Variants in PTPRD observed in about 807,000 individuals in gnomAD.
The protein encoded by PTPRD is protein tyrosine phosphatase receptor type D.
Under a neutral mutation model 214.5 loss-of-function variants are expected in PTPRD, and 34 were observed. That is an observed-to-expected ratio of 0.16 (90% CI 0.12 to 0.21). The LOEUF is 0.21. Among genes scored for constraint, PTPRD ranks in the 10% least tolerant of loss-of-function variants. PTPRD has a pLI of 1.00. For missense variants in PTPRD, 2,545 were observed against 2,398.7 expected (o/e 1.06, Z -1.27); for synonymous variants, 1,128 against 845.7 (o/e 1.33, Z -5.79).
chr9:9,495,653 C>G (rs755066472), intron 8 of PTPRD, among the ~76,000 whole-genome samples: 37 of 152,138 alleles, frequency 2.4e-4, no homozygotes, highest in Non-Finnish European at 5.1e-4. Flanking sequence ...CCCGACTCCC[C>G]TCTCTGCTGA....
chr9:10,595,470 T>A (rs369443032), intron 2 of PTPRD, among the ~76,000 whole-genome samples: 483 of 151,804 alleles, frequency 3.2e-3, no homozygotes, highest in Non-Finnish European at 5.8e-3. Context: ...GTAGGACCCT[T>A]TAAAACATGT....
intron 9 of PTPRD, among the ~76,000 whole-genome samples, chr9:9,382,786 G>C (rs542863276): frequency 3.9e-5 from 6 of 151,918 alleles, no homozygotes; most frequent in South Asian, 4.1e-4. Context: ...CATATGATTT[G>C]GTAATCCTAC....
chr9:8,544,698 G>A (rs973532996), intron 14 of PTPRD, among the ~76,000 whole-genome samples: 9 of 147,504 alleles, frequency 6.1e-5, no homozygotes, highest in South Asian at 4.4e-4. Context: ...TGGAACTCCC[G>A]AACCTTCAGT....
chr9:8,967,138 A>T (rs1255449124), intron 11 of PTPRD, among the ~76,000 whole-genome samples: 1 of 151,954 alleles, frequency 6.6e-6, no homozygotes, highest in Non-Finnish European at 1.5e-5. Context: ...AAAGTAAAAA[A>T]AAAAAACAAT....
intron 3 of PTPRD, among the ~76,000 whole-genome samples, chr9:10,306,399 T>C (rs998492965): frequency 6.6e-6 from 1 of 152,032 alleles, no homozygotes; most frequent in East Asian, 1.9e-4. Flanking sequence ...GTTCTGCACA[T>C]GTACCCCAAA....
chr9:10,353,094 AC>A (rs2097209700), intron 2 of PTPRD, among the ~76,000 whole-genome samples: 1 of 152,040 alleles, frequency 6.6e-6, no homozygotes, highest in South Asian at 2.1e-4. Context: ...CAAACAACTT[AC>A]CAGCTAGTTT....
At chr9:9,328,292 A>G (rs890793795) in intron 9 of PTPRD, among the ~76,000 whole-genome samples, 1 of 152,156 alleles carries the variant, frequency 6.6e-6, no homozygotes, top group Admixed American at 6.6e-5. Context: ...AGGACCATAC[A>G]TACTACATTC....
intron 2 of PTPRD, among the ~76,000 whole-genome samples, chr9:10,393,655 G>A (rs1001925350): frequency 5.4e-5 from 8 of 147,572 alleles, no homozygotes. Context: ...ATATTAGAGA[G>A]AGAGAGAGAG....
Position 9,919,733 on chromosome 9 carries a change from G to C in PTPRD, c.-368+18774C>G, listed in dbSNP as rs1260052597. On this transcript the variant is annotated intron_variant, in intron 5 of 45. Coordinates refer to ENST00000381196, the MANE Select transcript of PTPRD (RefSeq NM_002839.4). ...GAGAAAGAACAACGGGCTATATTAG[G>C]TAGTTTCAGGTGCTTGTATGACCTG... 2.0e-5 allele frequency among the ~76,000 whole-genome samples: 3 copies of C among 152,090 alleles called. No individual in the cohort carries two copies. The East Asian group carries it at 5.8e-4, about 29-fold the overall frequency.
intron 5 of PTPRD, among the ~76,000 whole-genome samples, chr9:9,917,110 T>C (rs2081074885): frequency 6.8e-6 from 1 of 146,952 alleles, no homozygotes; most frequent in South Asian, 2.1e-4. Flanking sequence ...CAAAAAAAAC[T>C]AGAAAAATTG....
intron 11 of PTPRD, among the ~76,000 whole-genome samples, chr9:8,988,856 T>A (rs1006768636): frequency 5.9e-5 from 9 of 152,132 alleles, no homozygotes; most frequent in African/African-American, 1.9e-4. Context: ...ACAGAATTGT[T>A]CCAGAGAAGT....
chr9:9,153,682 A>G (rs1412848292), intron 10 of PTPRD, among the ~76,000 whole-genome samples: 1 of 152,206 alleles, frequency 6.6e-6, no homozygotes, highest in African/African-American at 2.4e-5. Flanking sequence ...CGTCTTTCTA[A>G]TATGAAATAT....
chr9:9,375,507 A>C (rs1011110012), intron 9 of PTPRD, among the ~76,000 whole-genome samples: 1 of 152,126 alleles, frequency 6.6e-6, no homozygotes, highest in Non-Finnish European at 1.5e-5. Context: ...GAGGCAGAAG[A>C]ATCACTTGAA....
At chr9:10,190,279 T>C (rs535556480) in intron 3 of PTPRD, among the ~76,000 whole-genome samples, 11 of 149,536 alleles carry the variant, frequency 7.4e-5, no homozygotes, top group Non-Finnish European at 1.5e-4. Flanking sequence ...GACAGGACAA[T>C]TGCTTGAACC....
chr9:9,603,754 T>TA (rs776430007), intron 7 of PTPRD, among the ~76,000 whole-genome samples: 15 of 152,110 alleles, frequency 9.9e-5, no homozygotes, highest in Non-Finnish European at 1.9e-4. Flanking sequence ...ATGAATCAAG[T>TA]CCCTGGTGGC....
At chr9:8,907,977 A>G (rs1277894918) in intron 11 of PTPRD, among the ~76,000 whole-genome samples, 2 of 152,196 alleles carry the variant, frequency 1.3e-5, no homozygotes, top group Admixed American at 6.5e-5. Flanking sequence ...ACAAGCACTA[A>G]GAGAGTCTCA....
At chr9:9,539,520 C>T (rs2077163746) in intron 8 of PTPRD, among the ~76,000 whole-genome samples, 1 of 151,946 alleles carries the variant, frequency 6.6e-6, no homozygotes, top group African/African-American at 2.4e-5. Flanking sequence ...TCTTAGAGTC[C>T]TAGTTAGGCT....
At chr9:9,747,870 C>T (rs2098474317) in intron 6 of PTPRD, among the ~76,000 whole-genome samples, 2 of 152,202 alleles carry the variant, frequency 1.3e-5, no homozygotes, top group East Asian at 1.9e-4. Context: ...ACCATTTTTA[C>T]AAATTTCTAA....
chr9:10,138,875 CT>C (rs1389737781), intron 3 of PTPRD, among the ~76,000 whole-genome samples: 1 of 151,986 alleles, frequency 6.6e-6, no homozygotes, highest in Non-Finnish European at 1.5e-5. Flanking sequence ...CCTCAGCAAA[CT>C]AAGCATTGAA....
Sources: allele counts gnomAD v4.1 joint callset (sites outside exome capture counted in the v4.1 genomes callset), GRCh38; gene constraint gnomAD v4.1.1; transcripts MANE v1.5; gene names NCBI Gene and HGNC (gene_info 2026-07-23, HGNC 2026-07-21).